FMN1: variants seen among roughly 807,000 people sequenced by gnomAD.
The protein encoded by FMN1 is formin 1, also known as formin-1.
In FMN1, 110 loss-of-function variants were observed where a neutral mutation model predicts 132.4. The ratio of observed to expected loss-of-function variants is 0.83; its 90% confidence interval spans 0.71 to 0.97. The LOEUF (loss-of-function observed/expected upper bound fraction) is 0.97, where lower values mean the gene tolerates loss of function less well. Ranked by LOEUF, FMN1 falls within the 50% of genes least tolerant of loss-of-function variation. The pLI, the probability that FMN1 is intolerant of heterozygous loss-of-function variation, is 0.00. For missense variants in FMN1, 1,792 were observed against 1,705.3 expected (o/e 1.05, Z -0.90); for synonymous variants, 722 against 651.7 (o/e 1.11, Z -1.64).
intron 12 of FMN1, among the ~76,000 whole-genome samples, chr15:32,904,295 CAGAT>C (rs2060368887): frequency 6.6e-6 from 1 of 152,052 alleles, no homozygotes; most frequent in African/African-American, 2.4e-5. Context: ...CGGGAGAGCC[CAGAT>C]AGGCTGAATG....
chr15:33,087,036 A>C (rs182734011), intron 5 of FMN1, among the ~76,000 whole-genome samples: 2 of 152,358 alleles, frequency 1.3e-5, no homozygotes, highest in Admixed American at 1.3e-4. Context: ...ACAGGCATTA[A>C]AGTTAATGGC....
intron 10 of FMN1, among the ~76,000 whole-genome samples, chr15:32,922,089 G>A (rs970775216): frequency 6.6e-6 from 1 of 152,084 alleles, no homozygotes; most frequent in East Asian, 1.9e-4. Context: ...TTATTTCATA[G>A]CCAATTCTAC....
At chr15:32,951,155 A>G (rs1337333184) in intron 9 of FMN1, among the ~76,000 whole-genome samples, 1 of 152,182 alleles carries the variant, frequency 6.6e-6, no homozygotes, top group East Asian at 1.9e-4. Context: ...CGGTCATTCT[A>G]CATATGTTTA....
intron 7 of FMN1, among the ~76,000 whole-genome samples, chr15:33,003,117 A>G (rs2034209194): frequency 6.6e-6 from 1 of 152,230 alleles, no homozygotes; most frequent in African/African-American, 2.4e-5. Flanking sequence ...AAAAACTGGA[A>G]GCATTCCCTT....
intron 3 of FMN1, among the ~76,000 whole-genome samples, chr15:33,166,169 C>G (rs1352682336): frequency 2.6e-5 from 4 of 152,114 alleles, no homozygotes; most frequent in Non-Finnish European, 5.9e-5. Flanking sequence ...ACTGTATACC[C>G]AAGGAGGCTA....
chr15:33,077,639 G>C (rs1408597681), intron 5 of FMN1, among the ~76,000 whole-genome samples: 1 of 151,696 alleles, frequency 6.6e-6, no homozygotes, highest in African/African-American at 2.4e-5. Flanking sequence ...CCTTGCAACA[G>C]TTTGCTGAGA....
chr15:32,891,673 T>C lies in FMN1; in HGVS notation c.3715-3381A>G, dbSNP rs948129401. On this transcript the variant is annotated intron_variant, in intron 15 of 20. Coordinates refer to ENST00000616417, the MANE Select transcript of FMN1 (RefSeq NM_001277313.2). ...CTTTTCACAATATTGATACTACCCA[T>C]CCATGAGCATGGGATAGGTTTCCAT... 6.6e-5 allele frequency among the ~76,000 whole-genome samples: 10 copies of C among 152,218 alleles called. No homozygotes were observed. In the East Asian group the frequency reaches 1.9e-3, roughly 29 times the overall value.
At chr15:32,857,218 A>G in intron 16 of FMN1, 111 bp from the exon 17 acceptor site, 1 of 791,048 alleles carries the variant, frequency 1.3e-6, no homozygotes, top group Non-Finnish European at 2.1e-6. Context: ...ACTCCTTGTC[A>G]ACCACTGTTG....
chr15:32,840,737 C>T (rs750142308), intron 17 of FMN1, among the ~76,000 whole-genome samples: 16 of 152,150 alleles, frequency 1.1e-4, no homozygotes, highest in Non-Finnish European at 2.2e-4. Flanking sequence ...ATGGTACAAA[C>T]ATGAGAGGAA....
chr15:32,873,643 G>A (rs922453105), intron 16 of FMN1, among the ~76,000 whole-genome samples: 6 of 152,172 alleles, frequency 3.9e-5, no homozygotes, highest in African/African-American at 1.4e-4. Flanking sequence ...ACTGCTAGAG[G>A]AGAGGGGGAG....
intron 15 of FMN1, among the ~76,000 whole-genome samples, chr15:32,890,038 C>T (rs530768434): frequency 6.6e-6 from 1 of 152,324 alleles, no homozygotes; most frequent in South Asian, 2.1e-4. Context: ...TTTTCCATTC[C>T]TGAGTTACTC....
At chr15:33,052,014 T>G (rs1415961341) in intron 6 of FMN1, among the ~76,000 whole-genome samples, 1 of 152,218 alleles carries the variant, frequency 6.6e-6, no homozygotes, top group South Asian at 2.1e-4. Flanking sequence ...CTCTGCTGCC[T>G]TATGTCCCTT....
chr15:33,082,016 C>CGGG (rs2038481162), intron 5 of FMN1, among the ~76,000 whole-genome samples: 3 of 114,214 alleles, frequency 2.6e-5, no homozygotes, highest in African/African-American at 1.4e-4. Flanking sequence ...AAGAAGAGTT[C>CGGG]AGGGGTGTGT....
chr15:33,017,319 A>G (rs529307392), intron 6 of FMN1, among the ~76,000 whole-genome samples: 2 of 152,160 alleles, frequency 1.3e-5, no homozygotes, highest in Non-Finnish European at 2.9e-5. Context: ...GACTTTAGTT[A>G]ATAATAATGT....
chr15:32,853,944 G>T (rs1459790965), intron 17 of FMN1, among the ~76,000 whole-genome samples: 1 of 152,168 alleles, frequency 6.6e-6, no homozygotes, highest in Admixed American at 6.5e-5. Flanking sequence ...GAAAGCCTAC[G>T]GAACATGCCT....
At chr15:32,935,974 C>T (rs990102268) in intron 9 of FMN1, among the ~76,000 whole-genome samples, 1 of 151,996 alleles carries the variant, frequency 6.6e-6, no homozygotes, top group Non-Finnish European at 1.5e-5. Context: ...TCATTTCAAA[C>T]GACCTCTCTT....
chr15:32,886,575 G>C (rs373580511), intron 16 of FMN1, among the ~76,000 whole-genome samples: 2 of 152,114 alleles, frequency 1.3e-5, no homozygotes. Context: ...ATCATCAAAC[G>C]TACAGGGACG....
At chr15:32,880,852 C>T (rs494584) in intron 16 of FMN1, among the ~76,000 whole-genome samples, 43,670 of 151,936 alleles carry the variant, frequency 0.29, 6,884 homozygotes, top group African/African-American at 0.42. Flanking sequence ...AGGGGGTGAG[C>T]TTTTCTTTTT....
chr15:33,067,215 G>GACC, intron 5 of FMN1: 7 of 1,613,418 alleles, frequency 4.3e-6, no homozygotes, highest in Non-Finnish European at 5.9e-6. Flanking sequence ...TCTGTCTGAA[G>GACC]ACCACCGTTG....
Sources: gnomAD v4.1 joint callset for allele counts (sites outside exome capture counted in the v4.1 genomes callset) on GRCh38, gnomAD v4.1.1 for gene constraint, MANE v1.5 for transcripts, NCBI Gene and HGNC (gene_info 2026-07-23, HGNC 2026-07-21) for gene names.